The following ITPR1 variants were observed in gnomAD, a reference collection of about 807,000 sequenced individuals.
ITPR1 encodes inositol 1,4,5-trisphosphate-gated calcium channel ITPR1.
Under a neutral mutation model 318.4 loss-of-function variants are expected in ITPR1, and 96 were observed. The observed-to-expected ratio is 0.30, with a 90% CI of 0.26 to 0.36. ITPR1 has a LOEUF of 0.36. Ranked by LOEUF, ITPR1 falls within the 10% of genes least tolerant of loss-of-function variation. The probability of loss-of-function intolerance (pLI) is 1.00; values close to 1 mark genes in which losing one functional copy is unlikely to be tolerated. For synonymous variants in ITPR1, 1,312 were observed against 1,289.9 expected, an observed-to-expected ratio of 1.02 and a Z score of -0.37; for missense variants, 2,440 against 3,460.2, an observed-to-expected ratio of 0.71 and a Z score of 7.40.
chr3:4,652,762 A>C (rs1156531776), intron 11 of ITPR1, among the ~76,000 whole-genome samples: 5 of 152,172 alleles, frequency 3.3e-5, no homozygotes, highest in Admixed American at 6.5e-5. Flanking sequence ...GCTCACACCT[A>C]TAATCCCAGC....
At chr3:4,694,785 A>G (rs2094532413) in intron 33 of ITPR1, among the ~76,000 whole-genome samples, 1 of 152,280 alleles carries the variant, frequency 6.6e-6, no homozygotes, top group Non-Finnish European at 1.5e-5. Flanking sequence ...CCAAAATGTC[A>G]TTAGTCAGTA....
intron 10 of ITPR1, among the ~76,000 whole-genome samples, chr3:4,647,874 G>A (rs192452346): frequency 6.6e-5 from 10 of 152,290 alleles, no homozygotes; most frequent in South Asian, 2.1e-4. Flanking sequence ...AAGTTCAGCC[G>A]GACATGGTGG....
intron 46 of ITPR1, among the ~76,000 whole-genome samples, chr3:4,772,339 G>A (rs910267542): frequency 2.0e-5 from 3 of 152,218 alleles, no homozygotes; most frequent in African/African-American, 7.2e-5. Context: ...GCACCCTTTG[G>A]GCTCGTGCCC....
At chr3:4,727,906 A>G (rs2042636480) in intron 42 of ITPR1, among the ~76,000 whole-genome samples, 1 of 152,100 alleles carries the variant, frequency 6.6e-6, no homozygotes, top group South Asian at 2.1e-4. Context: ...CCTTCTACCT[A>G]TTTTTTATAC....
intron 40 of ITPR1, among the ~76,000 whole-genome samples, chr3:4,721,367 T>C (rs908790112): frequency 3.3e-5 from 5 of 152,102 alleles, no homozygotes; most frequent in African/African-American, 1.2e-4. Flanking sequence ...CTTAGTTCTG[T>C]TTCTAAAAAC....
chr3:4,762,042 G>A lies in ITPR1; in HGVS notation c.5545-4488G>A, dbSNP rs542566646. Among the ~76,000 whole-genome samples the A allele has an allele frequency of 2.2e-3, 305 of 138,188 alleles. 1 individual carries two copies. The highest frequency in any genetic ancestry group is 7.2e-3 in the African/African-American group (290 of 40,058). The allele number at this position is 138,188 out of a possible 152,430, so 90.7% of individuals were successfully genotyped here. On this transcript the variant is annotated intron_variant, in intron 44 of 61. Coordinates refer to ENST00000649015, the MANE Select transcript of ITPR1 (RefSeq NM_001378452.1). ...CTGCCTCCCTTCGCTCCAAGGGCAC[G>A]CCCCTTCTAAGAAGAAGTATGTTAG...
intron 33 of ITPR1, among the ~76,000 whole-genome samples, chr3:4,696,177 A>G (rs574682157): frequency 6.6e-6 from 1 of 152,270 alleles, no homozygotes; most frequent in African/African-American, 2.4e-5. Flanking sequence ...TTTTTAATAT[A>G]TTTGCAGAGT....
At position 4,688,185 on chromosome 3, in the gene ITPR1, G is replaced by T. The variant is rs138529808; in HGVS notation, c.3703-310G>T. Among the ~76,000 whole-genome samples the T allele has an allele frequency of 3.2e-3, 483 of 152,182 alleles. 3 individuals are homozygous for T. The highest frequency in any genetic ancestry group is 0.011 in the African/African-American group (458 of 41,524). On this transcript the variant is annotated intron_variant, in intron 30 of 61. Coordinates refer to ENST00000649015, the MANE Select transcript of ITPR1 (RefSeq NM_001378452.1). Reference sequence around the variant, plus strand: ...AGGTATGAGCCACTGTGCCCAGCCCGTCCCTGTCTTTAGAAGTAGGGGGTT... The same window carrying T: ...AGGTATGAGCCACTGTGCCCAGCCCTTCCCTGTCTTTAGAAGTAGGGGGTT...
chr3:4,647,841 T>G (rs895414758), intron 10 of ITPR1, among the ~76,000 whole-genome samples: 1 of 152,248 alleles, frequency 6.6e-6, no homozygotes, highest in Non-Finnish European at 1.5e-5. Flanking sequence ...TACCACTCTT[T>G]TAACATGGAT....
At chr3:4,674,488 G>A (rs371658322) in intron 22 of ITPR1, 145 bp downstream of exon 22, 14 of 662,206 alleles carry the variant, frequency 2.1e-5, no homozygotes, top group South Asian at 1.8e-4. Flanking sequence ...GCTTGGTTTT[G>A]TTCCAGAATA....
intron 10 of ITPR1, among the ~76,000 whole-genome samples, chr3:4,651,377 C>A (rs1034387181): frequency 6.6e-6 from 1 of 152,178 alleles, no homozygotes; most frequent in Non-Finnish European, 1.5e-5. Context: ...TGATCTGTCT[C>A]CTTAACTCCA....
intron 36 of ITPR1, among the ~76,000 whole-genome samples, chr3:4,703,777 C>G (rs560418233): frequency 6.6e-6 from 1 of 152,302 alleles, no homozygotes; most frequent in South Asian, 2.1e-4. Flanking sequence ...TTTCGGTAGT[C>G]TCTCGCCCAG....
intron 4 of ITPR1, among the ~76,000 whole-genome samples, chr3:4,601,968 T>C (rs1386990085): frequency 3.3e-5 from 5 of 152,180 alleles, no homozygotes; most frequent in African/African-American, 4.8e-5. Flanking sequence ...GCATTAGTCA[T>C]TAGGGAAATG....
intron 4 of ITPR1, among the ~76,000 whole-genome samples, chr3:4,612,218 C>T (rs952775646): frequency 1.3e-5 from 2 of 152,070 alleles, no homozygotes; most frequent in South Asian, 4.2e-4. Flanking sequence ...CCCACCACCA[C>T]GCCTGGCTAA....
intron 46 of ITPR1, among the ~76,000 whole-genome samples, chr3:4,771,181 C>T (rs2046163698): frequency 6.6e-6 from 1 of 152,164 alleles, no homozygotes; most frequent in African/African-American, 2.4e-5. Flanking sequence ...GCCCAGCACC[C>T]ATGGTGACAG....
intron 56 of ITPR1, among the ~76,000 whole-genome samples, chr3:4,812,326 C>T (rs1475157485): frequency 6.6e-6 from 1 of 152,134 alleles, no homozygotes; most frequent in Admixed American, 6.5e-5. Flanking sequence ...GTGTGGGCCA[C>T]TATGCCTGGT....
At chr3:4,595,813 G>A (rs1176487603) in intron 4 of ITPR1, among the ~76,000 whole-genome samples, 1 of 152,172 alleles carries the variant, frequency 6.6e-6, no homozygotes, top group East Asian at 1.9e-4. Context: ...TTAGGTCACT[G>A]ATGACCTTTG....
At chr3:4,693,907 C>A (rs2094517789) in intron 33 of ITPR1, among the ~76,000 whole-genome samples, 166 bp downstream of exon 33, 1 of 152,204 alleles carries the variant, frequency 6.6e-6, no homozygotes, top group African/African-American at 2.4e-5. Context: ...TTTTCTCGAG[C>A]ATTGATTTTG....
intron 12 of ITPR1, among the ~76,000 whole-genome samples, chr3:4,654,943 C>T (rs1413224808): frequency 6.6e-6 from 1 of 152,022 alleles, no homozygotes; most frequent in East Asian, 1.9e-4. Flanking sequence ...TACTGGGGTA[C>T]CCGAGGCTCA....
Sources: gnomAD v4.1 joint callset for allele counts (sites outside exome capture counted in the v4.1 genomes callset) on GRCh38, gnomAD v4.1.1 for gene constraint, MANE v1.5 for transcripts, NCBI Gene and HGNC (gene_info 2026-07-23, HGNC 2026-07-21) for gene names.